The following GRM8 variants were observed in gnomAD, a reference collection of about 807,000 sequenced individuals.
The protein encoded by GRM8 is glutamate metabotropic receptor 8, also known as metabotropic glutamate receptor 8.
A neutral mutation model predicts 87.2 loss-of-function variants in GRM8; 47 were observed. That is an observed-to-expected ratio of 0.54 (90% CI 0.43 to 0.69). The LOEUF is 0.69. GRM8 is among the 30% of genes least tolerant of loss of function. The pLI is 0.00. For missense variants in GRM8, 1,019 were observed against 1,139.2 expected, an observed-to-expected ratio of 0.89 and a Z score of 1.52; for synonymous variants, 396 against 404.5, an observed-to-expected ratio of 0.98 and a Z score of 0.25.
At chr7:126,606,077 AG>A (rs1798314962) in intron 8 of GRM8, among the ~76,000 whole-genome samples, 1 of 152,370 alleles carries the variant, frequency 6.6e-6, no homozygotes, top group African/African-American at 2.4e-5. Context: ...ATGGTAGCAC[AG>A]GAAAATAAAT....
intron 8 of GRM8, among the ~76,000 whole-genome samples, chr7:126,551,792 T>A (rs188631656): frequency 6.6e-6 from 1 of 152,244 alleles, no homozygotes; most frequent in East Asian, 1.9e-4. Context: ...TTCTTTCTCT[T>A]CTAATCCATC....
chr7:126,761,907 T>C (rs538020313), intron 7 of GRM8, among the ~76,000 whole-genome samples: 1 of 152,352 alleles, frequency 6.6e-6, no homozygotes, highest in East Asian at 1.9e-4. Context: ...GCTCTCTGTG[T>C]TGTAATCTTT....
rs574605609 is a variant in GRM8 at position 127,133,358 on chromosome 7, C to T, written c.511-26646G>A. Among the ~76,000 whole-genome samples, 83 of 149,890 alleles carry T rather than the reference C, an allele frequency of 5.5e-4. No individual in the cohort carries two copies. In the South Asian group the frequency reaches 0.016, roughly 30 times the overall value. On this transcript the variant is annotated intron_variant, in intron 2 of 10. Transcript: ENST00000339582. ...GCTTGAACCTGGGAGGCAGAGGTTG[C>T]AGTGAGCTGAGGTCACGCCATTGCA...
intron 3 of GRM8, among the ~76,000 whole-genome samples, chr7:127,005,997 A>AT (rs1814253228): frequency 6.6e-6 from 1 of 151,730 alleles, no homozygotes; most frequent in South Asian, 2.1e-4. Flanking sequence ...TGTTTTACGT[A>AT]TTTTCCTCTG....
intron 9 of GRM8, among the ~76,000 whole-genome samples, chr7:126,457,112 A>G (rs2150506237): frequency 6.6e-6 from 1 of 151,428 alleles, no homozygotes; most frequent in East Asian, 1.9e-4. Context: ...AAATTATAGG[A>G]GTGAAAAATA....
intron 8 of GRM8, among the ~76,000 whole-genome samples, chr7:126,535,447 GA>G (rs1178643826): frequency 6.6e-6 from 1 of 152,164 alleles, no homozygotes; most frequent in Non-Finnish European, 1.5e-5. Flanking sequence ...ATGGTGGTTA[GA>G]AGAAAACAGC....
intron 7 of GRM8, among the ~76,000 whole-genome samples, chr7:126,626,238 C>T (rs991504790): frequency 6.6e-6 from 1 of 151,974 alleles, no homozygotes; most frequent in African/African-American, 2.4e-5. Context: ...TCTGGATTTA[C>T]AAGAGTCACA....
At chr7:126,749,960 C>A (rs566346120) in intron 7 of GRM8, among the ~76,000 whole-genome samples, 263 of 152,242 alleles carry the variant, frequency 1.7e-3, no homozygotes, top group African/African-American at 5.8e-3. Flanking sequence ...TGTCTTCTTA[C>A]CATAGAATCT....
rs80190163 is a variant in GRM8 at position 127,203,166 on chromosome 7, A to C, written c.510+39529T>G. Among the ~76,000 whole-genome samples the C allele has an allele frequency of 3.6e-3, 548 of 152,330 alleles. 4 individuals are homozygous for C. The highest frequency in any genetic ancestry group is 0.012 in the African/African-American group (492 of 41,570). On this transcript the variant is annotated intron_variant, in intron 2 of 10. Coordinates refer to ENST00000339582, the MANE Select transcript of GRM8 (RefSeq NM_000845.3). The stretch of plus-strand genomic sequence containing the variant: ...TGGATAGGTAAATATTATCAAGTAC[A>C]TGTTTACATTTTCATATTACATAGC...
At chr7:126,826,706 A>G (rs1412847667) in intron 6 of GRM8, among the ~76,000 whole-genome samples, 1 of 152,082 alleles carries the variant, frequency 6.6e-6, no homozygotes, top group Non-Finnish European at 1.5e-5. Context: ...GCTGTGCAGT[A>G]GCTCTTTAGT....
At chr7:126,729,359 G>A (rs941121731) in intron 7 of GRM8, among the ~76,000 whole-genome samples, 4 of 151,306 alleles carry the variant, frequency 2.6e-5, no homozygotes, top group Non-Finnish European at 4.4e-5. Context: ...AAAACTCCAG[G>A]GAATGGCCTT....
intron 6 of GRM8, among the ~76,000 whole-genome samples, chr7:126,803,679 A>G (rs1224622715): frequency 4.2e-4 from 64 of 152,352 alleles, no homozygotes; most frequent in Non-Finnish European, 2.9e-5. Flanking sequence ...CCAAGTAAAC[A>G]AAGTCCTTAA....
At chr7:126,594,778 T>C (rs1052748241) in intron 8 of GRM8, among the ~76,000 whole-genome samples, 1 of 152,186 alleles carries the variant, frequency 6.6e-6, no homozygotes, top group African/African-American at 2.4e-5. Flanking sequence ...GTTAGCTAGA[T>C]TTAAGCATTC....
At chr7:126,997,273 C>T (rs1272884269) in intron 3 of GRM8, among the ~76,000 whole-genome samples, 3 of 151,392 alleles carry the variant, frequency 2.0e-5, no homozygotes, top group Admixed American at 1.3e-4. Flanking sequence ...CAACATACCA[C>T]AACTCATAAG....
At chr7:127,035,742 C>T (rs1817787163) in intron 3 of GRM8, among the ~76,000 whole-genome samples, 1 of 152,132 alleles carries the variant, frequency 6.6e-6, no homozygotes, top group Admixed American at 6.5e-5. Flanking sequence ...CCACAGATTT[C>T]ATCATGCCTA....
chr7:127,091,667 C>A (rs2132905865), intron 3 of GRM8, among the ~76,000 whole-genome samples: 1 of 136,898 alleles, frequency 7.3e-6, no homozygotes, highest in Non-Finnish European at 1.6e-5. Context: ...CACCATCCCA[C>A]TGATCATCCT....
intron 8 of GRM8, among the ~76,000 whole-genome samples, chr7:126,600,192 T>C (rs1797594210): frequency 6.6e-6 from 1 of 152,180 alleles, no homozygotes; most frequent in South Asian, 2.1e-4. Flanking sequence ...ATTGTAGTTA[T>C]GAGTATATGG....
chr7:127,198,837 A>AT (rs35710456), intron 2 of GRM8, among the ~76,000 whole-genome samples: 7,046 of 125,744 alleles, frequency 0.056, 367 homozygotes, highest in African/African-American at 0.14. Flanking sequence ...ACCGTGCCTA[A>AT]TTTTTTTTTT....
chr7:127,178,865 G>T (rs886410038), intron 2 of GRM8, among the ~76,000 whole-genome samples: 2 of 151,920 alleles, frequency 1.3e-5, no homozygotes, highest in African/African-American at 4.8e-5. Context: ...ACAAATCCTG[G>T]AAACACATCA....
Sources: gnomAD v4.1 joint callset for allele counts (sites outside exome capture counted in the v4.1 genomes callset) on GRCh38, gnomAD v4.1.1 for gene constraint, MANE v1.5 for transcripts, NCBI Gene and HGNC (gene_info 2026-07-23, HGNC 2026-07-21) for gene names.